Variants in CTXND1 observed in about 807,000 individuals in gnomAD.
The protein encoded by CTXND1 is cortexin domain-containing 1 protein.
chr15:80,243,424 A>T (rs535592375), intron 1 of CTXND1, among the ~76,000 whole-genome samples: 1 of 152,320 alleles, frequency 6.6e-6, no homozygotes, highest in East Asian at 1.9e-4. Context: ...AAGGGAAGGC[A>T]TGACGGCCAC....
intron 1 of CTXND1, among the ~76,000 whole-genome samples, chr15:80,209,707 A>G (rs949801694): frequency 1.3e-5 from 2 of 152,204 alleles, no homozygotes; most frequent in African/African-American, 4.8e-5. Flanking sequence ...GGATTTTAGG[A>G]AAAAACTAGC....
chr15:80,220,921 T>G (rs927697289), intron 1 of CTXND1, among the ~76,000 whole-genome samples: 87 of 149,542 alleles, frequency 5.8e-4, no homozygotes, highest in Admixed American at 2.5e-3. Flanking sequence ...TATTTTTTTT[T>G]TTTTTGAGAC....
intron 1 of CTXND1, among the ~76,000 whole-genome samples, chr15:80,238,636 C>A (rs1351084682): frequency 2.6e-5 from 4 of 152,122 alleles, no homozygotes; most frequent in Non-Finnish European, 5.9e-5. Flanking sequence ...AGGTGCCCGC[C>A]TCCACGCCCA....
At chr15:80,204,170 ATATATATAT>A (rs1489292388) in intron 1 of CTXND1, among the ~76,000 whole-genome samples, 4 of 39,614 alleles carry the variant, frequency 1.0e-4, no homozygotes, top group East Asian at 9.0e-4. Context: ...AAAAAAAAAA[ATATATATAT>A]ATATATATAT....
chr15:80,220,098 TCATC>T (rs1893295945), intron 1 of CTXND1, among the ~76,000 whole-genome samples: 3 of 134,614 alleles, frequency 2.2e-5, no homozygotes, highest in South Asian at 2.5e-4. Context: ...AAATATACTC[TCATC>T]TATCTATCTA....
At chr15:80,248,656 A>G (rs1391110233) in intron 1 of CTXND1, among the ~76,000 whole-genome samples, 1 of 152,210 alleles carries the variant, frequency 6.6e-6, no homozygotes. Context: ...ATTAATTTGC[A>G]GTTTTCTAGA....
intron 1 of CTXND1, among the ~76,000 whole-genome samples, chr15:80,220,403 ATTTG>A (rs1893302496): frequency 6.6e-6 from 1 of 152,066 alleles, no homozygotes; most frequent in Non-Finnish European, 1.5e-5. Flanking sequence ...ATCCTTTTGA[ATTTG>A]TTTATTGTCT....
rs1201139023 is a variant in CTXND1, at chr15:80,203,658, C to T, written c.-135G>A. On this transcript the variant is annotated 5_prime_UTR_variant, in exon 2 of 3. It removes an upstream start codon present in the reference 5' UTR. Coordinates refer to ENST00000560778, the MANE Select transcript of CTXND1 (RefSeq NM_001352888.2). ...CCAGGAGGCACGAGGAGCGGTCAGG[C>T]ATCATGGGGGTCACCCAAGGAGAAC... is the stretch of plus-strand genomic sequence containing the variant. The T allele has an allele frequency of 6.6e-6, 1 of 152,434 alleles. No homozygotes were observed. The highest frequency in any genetic ancestry group is 1.5e-5 in the Non-Finnish European group (1 of 68,284). 9.4% of individuals were successfully genotyped at this position (152,434 alleles called of 1,614,324 possible). A position where few individuals can be genotyped will look rare whatever the true frequency, so the allele number is the denominator to read the frequency against.
Position 80,197,977 on chromosome 15 carries a change from T to C in CTXND1, c.*3793A>G, listed in dbSNP as rs1006650129. 6.6e-6 allele frequency: 1 copy of C among 152,240 alleles called. No homozygotes were observed. The highest frequency in any genetic ancestry group is 2.4e-5 in the African/African-American group (1 of 41,466). 9.4% of individuals were successfully genotyped at this position (152,240 alleles called of 1,614,324 possible). On this transcript the variant is annotated 3_prime_UTR_variant, in exon 3 of 3. Coordinates refer to ENST00000560778, the MANE Select transcript of CTXND1 (RefSeq NM_001352888.2). ...TGAAATAGCTATGATGGGAATGATATGCCAGGATGGTAAAGCTAGGGTCCT... is the reference window on the plus strand; with the variant it reads ...TGAAATAGCTATGATGGGAATGATACGCCAGGATGGTAAAGCTAGGGTCCT...
intron 1 of CTXND1, among the ~76,000 whole-genome samples, chr15:80,240,263 C>G (rs1423519243): frequency 1.3e-5 from 2 of 152,218 alleles, no homozygotes; most frequent in African/African-American, 4.8e-5. Flanking sequence ...CCACACCCCA[C>G]CTATATTACT....
Position 80,198,764 on chromosome 15 carries a change from T to G in CTXND1, c.*3006A>C, listed in dbSNP as rs2041433735. On this transcript the variant is annotated 3_prime_UTR_variant, in exon 3 of 3. Transcript: ENST00000560778. ...TCATCATATCTATCTTGATCTTTCT[T>G]TTTTTGCTTGGAACATGTACAACAG... The G allele has an allele frequency of 6.6e-6, 1 of 152,228 alleles. No individual in the cohort carries two copies. Among genetic ancestry groups the G allele is most frequent in the South Asian group, 2.1e-4 (1 of 4,834 alleles). The allele number at this position is 152,228 out of a possible 1,614,324, so 9.4% of individuals were successfully genotyped here. A position where few individuals can be genotyped will look rare whatever the true frequency, so the allele number is the denominator to read the frequency against.
Position 80,198,669 on chromosome 15 carries a change from T to A in CTXND1, c.*3101A>T, listed in dbSNP as rs2041432930. Reference sequence around the variant, plus strand: ...AGGTCTCCCTCCCCCATGTGCTCCATGTGTCTCTTAAATGGAGAGAGTGTA... The same window carrying A: ...AGGTCTCCCTCCCCCATGTGCTCCAAGTGTCTCTTAAATGGAGAGAGTGTA... On this transcript the variant is annotated 3_prime_UTR_variant, in exon 3 of 3. Coordinates refer to ENST00000560778, the MANE Select transcript of CTXND1 (RefSeq NM_001352888.2). 6.6e-6 allele frequency: 1 copy of A among 152,228 alleles called. No homozygotes were observed. The highest frequency in any genetic ancestry group is 1.5e-5 in the Non-Finnish European group (1 of 68,042). The allele number at this position is 152,228 out of a possible 1,614,324, so 9.4% of individuals were successfully genotyped here.
chr15:80,243,614 C>G (rs1404231279), intron 1 of CTXND1, among the ~76,000 whole-genome samples: 1 of 152,170 alleles, frequency 6.6e-6, no homozygotes, highest in East Asian at 1.9e-4. Context: ...GTCATTTTCC[C>G]TCCTTTCTTC....
intron 1 of CTXND1, among the ~76,000 whole-genome samples, chr15:80,219,303 T>G (rs28399347): frequency 0.44 from 67,295 of 151,836 alleles, 15,142 homozygotes; most frequent in Middle Eastern, 0.58. Flanking sequence ...TCTTGCTACT[T>G]GCTTTTTCAT....
At chr15:80,203,211 C>T (rs1260084186) in intron 2 of CTXND1, among the ~76,000 whole-genome samples, 2 of 152,170 alleles carry the variant, frequency 1.3e-5, no homozygotes, top group African/African-American at 4.8e-5. Flanking sequence ...AGCATTCGTC[C>T]CTATCCTCAT....
rs140380009 is a variant in CTXND1 at position 80,238,764 on chromosome 15, C to T, written c.-218+13243G>A. 7.4e-3 allele frequency among the ~76,000 whole-genome samples: 1,123 copies of T among 152,252 alleles called. 8 individuals are homozygous for T. Among genetic ancestry groups the T allele is most frequent in the African/African-American group, 0.026 (1,073 of 41,538 alleles). Reference sequence around the variant, plus strand: ...TGCTGGGATTACAGGCGTGAGCCACCGTGCCTGGCCTGCCCAACCATGTTA... The same window carrying T: ...TGCTGGGATTACAGGCGTGAGCCACTGTGCCTGGCCTGCCCAACCATGTTA... On this transcript the variant is annotated intron_variant, in intron 1 of 2. Transcript: ENST00000560778.
chr15:80,251,868 G>C (rs1893700656), intron 1 of CTXND1, 139 bp downstream of exon 1: 1 of 152,004 alleles, frequency 6.6e-6, no homozygotes, highest in South Asian at 2.1e-4. Flanking sequence ...GCCGCGGCAG[G>C]GCTCGGCCCG....
chr15:80,227,974 G>A (rs1446765709), intron 1 of CTXND1, among the ~76,000 whole-genome samples: 3 of 152,202 alleles, frequency 2.0e-5, no homozygotes, highest in African/African-American at 7.2e-5. Flanking sequence ...AAAAATTGGG[G>A]TCAGTCCTCT....
chr15:80,230,327 A>G (rs930487587), intron 1 of CTXND1, among the ~76,000 whole-genome samples: 4 of 152,136 alleles, frequency 2.6e-5, no homozygotes, highest in African/African-American at 9.7e-5. Flanking sequence ...TATTACTTAA[A>G]TATTCACAAT....
Sources: allele counts gnomAD v4.1 joint callset (sites outside exome capture counted in the v4.1 genomes callset), GRCh38; gene constraint gnomAD v4.1.1; transcripts MANE v1.5; gene names NCBI Gene and HGNC (gene_info 2026-07-23, HGNC 2026-07-21).